The following FBXL7 variants were observed in gnomAD, a reference collection of about 807,000 sequenced individuals.
FBXL7 encodes the protein F-box/LRR-repeat protein 7.
In FBXL7, 12 loss-of-function variants were observed where a neutral mutation model predicts 38.3. That is an observed-to-expected ratio of 0.31 (90% CI 0.20 to 0.51). The LOEUF (loss-of-function observed/expected upper bound fraction) is 0.51. Among genes scored for constraint, FBXL7 ranks in the 20% least tolerant of loss-of-function variants. The pLI is 0.98. For missense variants in FBXL7, 567 were observed against 676.4 expected, an observed-to-expected ratio of 0.84 and a Z score of 1.79; for synonymous variants, 297 against 300.9, an observed-to-expected ratio of 0.99 and a Z score of 0.13.
chr5:15,756,379 G>T (rs188825474), intron 2 of FBXL7, among the ~76,000 whole-genome samples: 65 of 152,206 alleles, frequency 4.3e-4, no homozygotes, highest in African/African-American at 1.5e-3. Flanking sequence ...TATGATAACA[G>T]ACCGGTTTTA....
chr5:15,889,078 G>C (rs886810085), intron 2 of FBXL7, among the ~76,000 whole-genome samples: 75 of 152,072 alleles, frequency 4.9e-4, no homozygotes, highest in African/African-American at 1.7e-3. Context: ...AGACAAACAA[G>C]CAGAAAAAAG....
intron 2 of FBXL7, among the ~76,000 whole-genome samples, chr5:15,745,987 T>G (rs898365794): frequency 1.3e-5 from 2 of 152,126 alleles, no homozygotes; most frequent in African/African-American, 4.8e-5. Context: ...TGAGAGAGGA[T>G]GGATAGTCAT....
At chr5:15,622,608 C>T (rs1403049003) in intron 2 of FBXL7, among the ~76,000 whole-genome samples, 1 of 152,190 alleles carries the variant, frequency 6.6e-6, no homozygotes, top group Non-Finnish European at 1.5e-5. Context: ...CTACAAAGGA[C>T]ATGAACTCAT....
At chr5:15,845,528 A>C (rs1043022279) in intron 2 of FBXL7, among the ~76,000 whole-genome samples, 17 of 152,164 alleles carry the variant, frequency 1.1e-4, no homozygotes, top group African/African-American at 3.4e-4. Flanking sequence ...TTGCTAAATA[A>C]ATATCTGTTA....
chr5:15,791,799 C>A (rs1371208703), intron 2 of FBXL7, among the ~76,000 whole-genome samples: 1 of 152,132 alleles, frequency 6.6e-6, no homozygotes, highest in Non-Finnish European at 1.5e-5. Flanking sequence ...TTCTGCTGGG[C>A]TGCCCGTTAC....
chr5:15,839,485 T>C (rs1404390594), intron 2 of FBXL7, among the ~76,000 whole-genome samples: 4 of 152,086 alleles, frequency 2.6e-5, no homozygotes, highest in Non-Finnish European at 5.9e-5. Flanking sequence ...ATTGCATATA[T>C]CTTTTTTTCC....
chr5:15,927,798 G>GAAAA, intron 2 of FBXL7, 92 bp from the exon 3 acceptor site: 1 of 657,742 alleles, frequency 1.5e-6, no homozygotes, highest in Non-Finnish European at 2.2e-6. Context: ...GAAGAAGAAA[G>GAAAA]AAAAGAAAAG....
intron 2 of FBXL7, among the ~76,000 whole-genome samples, chr5:15,701,599 G>C (rs1011742318): frequency 3.3e-5 from 5 of 152,066 alleles, no homozygotes; most frequent in African/African-American, 1.2e-4. Context: ...TCTCTCAGTT[G>C]AATTGAGGAG....
In FBXL7 at chr5:15,683,707, T is replaced by C. The variant is rs113744069; in HGVS notation, c.127+67635T>C. ...AGGCCCGGACCTTAAGAGAGCTAAGTAGTTTAGACCTTGGAAAATGACCCT... is the reference window on the plus strand; with the variant it reads ...AGGCCCGGACCTTAAGAGAGCTAAGCAGTTTAGACCTTGGAAAATGACCCT... On this transcript the variant is annotated intron_variant, in intron 2 of 3. Coordinates refer to ENST00000504595, the MANE Select transcript of FBXL7 (RefSeq NM_012304.5). Among the ~76,000 whole-genome samples, 492 of 152,230 alleles carry C rather than the reference T, an allele frequency of 3.2e-3. 2 individuals carry two copies. Among genetic ancestry groups the C allele is most frequent in the Non-Finnish European group, 5.3e-3 (361 of 68,018 alleles).
At chr5:15,553,321 C>T (rs1362985550) in intron 1 of FBXL7, among the ~76,000 whole-genome samples, 1 of 152,144 alleles carries the variant, frequency 6.6e-6, no homozygotes, top group Non-Finnish European at 1.5e-5. Flanking sequence ...TTTCTCTTCC[C>T]TCTTTACCTT....
chr5:15,543,286 A>G (rs186684078), intron 1 of FBXL7, among the ~76,000 whole-genome samples: 24 of 152,312 alleles, frequency 1.6e-4, no homozygotes, highest in Non-Finnish European at 2.4e-4. Context: ...ACAAGAGGGC[A>G]TGTGTAGGGA....
intron 2 of FBXL7, among the ~76,000 whole-genome samples, chr5:15,739,125 C>T (rs1579422772): frequency 6.6e-6 from 1 of 152,206 alleles, no homozygotes; most frequent in Non-Finnish European, 1.5e-5. Flanking sequence ...GCAAGTCCTT[C>T]CACAGCCATC....
chr5:15,785,868 C>T (rs1411073451), intron 2 of FBXL7, among the ~76,000 whole-genome samples: 6 of 152,240 alleles, frequency 3.9e-5, no homozygotes, highest in Non-Finnish European at 8.8e-5. Flanking sequence ...CTTTGCAACA[C>T]AGTGAAATCC....
intron 2 of FBXL7, among the ~76,000 whole-genome samples, chr5:15,684,461 G>A (rs1316028499): frequency 6.6e-6 from 1 of 152,164 alleles, no homozygotes; most frequent in Non-Finnish European, 1.5e-5. Flanking sequence ...TCAGCAGTGG[G>A]AAAATGTGTT....
chr5:15,616,697 CTTGT>C (rs1438437501), intron 2 of FBXL7, among the ~76,000 whole-genome samples: 8 of 152,236 alleles, frequency 5.3e-5, no homozygotes, highest in Non-Finnish European at 1.2e-4. Context: ...TTACTACTTA[CTTGT>C]TTGAGTGTGG....
intron 2 of FBXL7, among the ~76,000 whole-genome samples, chr5:15,812,944 T>C (rs1737907678): frequency 6.6e-6 from 1 of 152,132 alleles, no homozygotes; most frequent in Non-Finnish European, 1.5e-5. Flanking sequence ...CTGTTATTGG[T>C]GTATAGGAAT....
At chr5:15,732,256 A>G (rs1482059752) in intron 2 of FBXL7, among the ~76,000 whole-genome samples, 1 of 152,212 alleles carries the variant, frequency 6.6e-6, no homozygotes, top group Non-Finnish European at 1.5e-5. Flanking sequence ...GGCCATGCCA[A>G]TAATTAACTA....
At chr5:15,589,472 T>C (rs549332163) in intron 1 of FBXL7, among the ~76,000 whole-genome samples, 1 of 152,274 alleles carries the variant, frequency 6.6e-6, no homozygotes, top group African/African-American at 2.4e-5. Context: ...CGGCCGTGAT[T>C]GTAAGTTTCC....
intron 2 of FBXL7, among the ~76,000 whole-genome samples, chr5:15,627,276 A>G (rs904624847): frequency 6.6e-6 from 1 of 152,214 alleles, no homozygotes; most frequent in African/African-American, 2.4e-5. Context: ...TTATGTCTCA[A>G]CAGGTGGTCT....
Sources: allele counts gnomAD v4.1 joint callset (sites outside exome capture counted in the v4.1 genomes callset), GRCh38; gene constraint gnomAD v4.1.1; transcripts MANE v1.5; gene names NCBI Gene and HGNC (gene_info 2026-07-23, HGNC 2026-07-21).